CASR: variants seen among roughly 807,000 people sequenced by gnomAD.
The protein encoded by CASR is calcium sensing receptor.
In CASR, 23 loss-of-function variants were observed where a neutral mutation model predicts 69.1. The ratio of observed to expected loss-of-function variants is 0.33; its 90% confidence interval spans 0.24 to 0.47. The LOEUF (loss-of-function observed/expected upper bound fraction) is 0.47, where lower values mean the gene tolerates loss of function less well. Ranked by LOEUF, CASR falls within the 20% of genes least tolerant of loss-of-function variation. CASR has a pLI of 1.00. For synonymous variants in CASR, 541 were observed against 544.7 expected (o/e 0.99, Z 0.10); for missense variants, 924 against 1,356.1 (o/e 0.68, Z 5.00).
chr3:122,200,799 A>C (rs2073940852), intron 1 of CASR, among the ~76,000 whole-genome samples: 1 of 152,158 alleles, frequency 6.6e-6, no homozygotes, highest in African/African-American at 2.4e-5. Flanking sequence ...GGATTTCCAA[A>C]GTGATTTTAC....
At chr3:122,209,902 C>T (rs900609803) in intron 1 of CASR, among the ~76,000 whole-genome samples, 1 of 152,174 alleles carries the variant, frequency 6.6e-6, no homozygotes, top group Non-Finnish European at 1.5e-5. Context: ...ATCAAGTGGG[C>T]TTCATCCCCA....
chr3:122,216,910 C>G (rs1244342088), intron 1 of CASR, among the ~76,000 whole-genome samples: 4 of 152,078 alleles, frequency 2.6e-5, no homozygotes. Flanking sequence ...GATTTGTATC[C>G]ATTCATTCAA....
In CASR at chr3:122,282,795, A is replaced by G. The variant is rs550080482; in HGVS notation, c.1732+559A>G. ...TCTATAAATATTAACTATAGTTGAT[A>G]TTATCTCATGTTATCCTCACCCCAG... On this transcript the variant is annotated intron_variant, in intron 6 of 6. Transcript: ENST00000639785. Among the ~76,000 whole-genome samples the G allele has an allele frequency of 4.9e-4, 74 of 152,386 alleles. 1 individual carries two copies. The South Asian group carries it at 7.0e-3, about 14-fold the overall frequency.
intron 1 of CASR, among the ~76,000 whole-genome samples, chr3:122,223,246 C>T (rs143226817): frequency 1.3e-5 from 2 of 151,618 alleles, no homozygotes; most frequent in Non-Finnish European, 3.0e-5. Flanking sequence ...AATTGAGATG[C>T]GAAAATCCAG....
Position 122,289,382 on chromosome 3 carries a change from A to G in CASR, c.*4191A>G, listed in dbSNP as rs1294288316. 1.3e-5 allele frequency: 2 copies of G among 152,244 alleles called. No homozygotes were observed. The highest frequency in any genetic ancestry group is 2.9e-5 in the Non-Finnish European group (2 of 68,082). The allele number at this position is 152,244 out of a possible 1,614,324, so 9.4% of individuals were successfully genotyped here. On this transcript the variant is annotated 3_prime_UTR_variant, in exon 7 of 7. Coordinates refer to ENST00000639785, the MANE Select transcript of CASR (RefSeq NM_000388.4). ...GTTTTCCTGGCCCAGATCATGGAAA[A>G]AAAACATCAAGACTTGGATGACAAC...
intron 1 of CASR, among the ~76,000 whole-genome samples, chr3:122,246,129 T>C (rs2074425566): frequency 6.6e-6 from 1 of 152,188 alleles, no homozygotes; most frequent in African/African-American, 2.4e-5. Flanking sequence ...ACTTCCCAGG[T>C]CCCTTCTATC....
intron 1 of CASR, among the ~76,000 whole-genome samples, chr3:122,251,466 C>G: frequency 6.6e-6 from 1 of 152,184 alleles, no homozygotes; most frequent in African/African-American, 2.4e-5. Flanking sequence ...TGACTCAAAG[C>G]CGTGTGCTCC....
At chr3:122,227,447 T>C (rs1195933676) in intron 1 of CASR, among the ~76,000 whole-genome samples, 1 of 152,160 alleles carries the variant, frequency 6.6e-6, no homozygotes, top group Admixed American at 6.5e-5. Context: ...TGCCCGGGGC[T>C]TGCGGGCCAG....
chr3:122,235,053 A>G lies in CASR; in HGVS notation c.-242-18895A>G, dbSNP rs145949675. ...ATAGAAAGGGCTCGCAGGAGAGTAGAGAAGGACCAGGGAGTGCTGGACACT... is the reference window on the plus strand; with the variant it reads ...ATAGAAAGGGCTCGCAGGAGAGTAGGGAAGGACCAGGGAGTGCTGGACACT... On this transcript the variant is annotated intron_variant, in intron 1 of 6. Transcript: ENST00000639785. 5.4e-4 allele frequency among the ~76,000 whole-genome samples: 82 copies of G among 152,350 alleles called. No homozygotes were observed. The East Asian group carries it at 0.012, about 22-fold the overall frequency.
At chr3:122,231,981 G>A (rs1013889042) in intron 1 of CASR, among the ~76,000 whole-genome samples, 2 of 152,128 alleles carry the variant, frequency 1.3e-5, no homozygotes, top group African/African-American at 2.4e-5. Context: ...CAGCACACCC[G>A]CATGTCCAGA....
chr3:122,243,335 C>G (rs1165181456), intron 1 of CASR, among the ~76,000 whole-genome samples: 1 of 152,030 alleles, frequency 6.6e-6, no homozygotes, highest in Admixed American at 6.6e-5. Flanking sequence ...GGAAAAACAT[C>G]TAATAATCCG....
In CASR at chr3:122,282,105, TC is replaced by T. The variant is rs780842974; in HGVS notation, c.1609-6del. The stretch of plus-strand genomic sequence containing the variant: ...CAGCCACTCACCTTTGTGCTGTCTG[TC>T]CTCCAGGTGCCCTTCTCCAACTGCA... On this transcript the variant is annotated splice_polypyrimidine_tract_variant and splice_region_variant and intron_variant, in intron 5 of 6. Coordinates refer to ENST00000639785, the MANE Select transcript of CASR (RefSeq NM_000388.4). 6.2e-7 allele frequency: 1 copy of T among 1,614,218 alleles called. No individual in the cohort carries two copies. The highest frequency in any genetic ancestry group is 1.1e-5 in the South Asian group (1 of 91,088).
rs543080741 is a variant in CASR, at chr3:122,237,921, C to T, written c.-242-16027C>T. Among the ~76,000 whole-genome samples, 3 of 152,260 alleles carry T rather than the reference C, an allele frequency of 2.0e-5. No homozygotes were observed. The South Asian group carries it at 6.2e-4, about 32-fold the overall frequency. On this transcript the variant is annotated intron_variant, in intron 1 of 6. Coordinates refer to ENST00000639785, the MANE Select transcript of CASR (RefSeq NM_000388.4). The stretch of plus-strand genomic sequence containing the variant: ...CACAAATTCTATGATGTAGCAACTC[C>T]ACTTCTAGGTATATATTCAACATAC...
chr3:122,192,582 A>G (rs932812041), intron 1 of CASR, among the ~76,000 whole-genome samples: 4 of 152,212 alleles, frequency 2.6e-5, no homozygotes, highest in Non-Finnish European at 4.4e-5. Context: ...ACAATCTTAC[A>G]CATTTGAAAA....
intron 1 of CASR, among the ~76,000 whole-genome samples, chr3:122,234,389 A>G (rs891744720): frequency 1.3e-5 from 2 of 152,212 alleles, no homozygotes; most frequent in Non-Finnish European, 2.9e-5. Flanking sequence ...CCCCTGGTGT[A>G]ATGTAACCAA....
At chr3:122,212,801 G>A (rs975939769) in intron 1 of CASR, among the ~76,000 whole-genome samples, 11 of 152,008 alleles carry the variant, frequency 7.2e-5, no homozygotes, top group African/African-American at 1.9e-4. Context: ...GCCACCATGC[G>A]TGGCTAATTT....
chr3:122,230,879 G>GT (rs2074272226), intron 1 of CASR, among the ~76,000 whole-genome samples: 1 of 152,180 alleles, frequency 6.6e-6, no homozygotes, highest in African/African-American at 2.4e-5. Flanking sequence ...GCCAAAGGGG[G>GT]TTTCTCTTTT....
intron 4 of CASR, among the ~76,000 whole-genome samples, chr3:122,274,113 T>C (rs2074789053): frequency 6.6e-6 from 1 of 152,196 alleles, no homozygotes; most frequent in South Asian, 2.1e-4. Context: ...CCATCTTTTT[T>C]GAGGATGGCT....
Position 122,191,324 on chromosome 3 carries a change from T to G in CASR, c.-243+7512T>G, listed in dbSNP as rs184185099. Among the ~76,000 whole-genome samples the G allele has an allele frequency of 3.8e-3, 575 of 152,338 alleles. 3 individuals are homozygous for G. Among genetic ancestry groups the G allele is most frequent in the Middle Eastern group, 0.014 (4 of 294 alleles). Reference sequence around the variant, plus strand: ...TTTTTTGTTTTTTGTTTCATTTTGTTTTTTTGAGATGGAGCCTCACTCTGC... The same window carrying G: ...TTTTTTGTTTTTTGTTTCATTTTGTGTTTTTGAGATGGAGCCTCACTCTGC... On this transcript the variant is annotated intron_variant, in intron 1 of 6. Transcript: ENST00000639785.
Sources: allele counts gnomAD v4.1 joint callset (sites outside exome capture counted in the v4.1 genomes callset), GRCh38; gene constraint gnomAD v4.1.1; transcripts MANE v1.5; gene names NCBI Gene and HGNC (gene_info 2026-07-23, HGNC 2026-07-21).